Variants in TTBK2 observed in about 807,000 individuals in gnomAD.
TTBK2 encodes tau-tubulin kinase 2.
Under a neutral mutation model 110.8 loss-of-function variants are expected in TTBK2, and 28 were observed. That is an observed-to-expected ratio of 0.25 (90% CI 0.19 to 0.35). The LOEUF is 0.35. TTBK2 is among the 10% of genes least tolerant of loss of function. The probability of loss-of-function intolerance (pLI) is 1.00; values close to 1 mark genes in which losing one functional copy is unlikely to be tolerated. For missense variants in TTBK2, 1,369 were observed against 1,500.3 expected (o/e 0.91, Z 1.45); for synonymous variants, 532 against 527.3 (o/e 1.01, Z -0.12).
At chr15:42,888,480 C>G (rs1895327626) in intron 1 of TTBK2, among the ~76,000 whole-genome samples, 1 of 152,048 alleles carries the variant, frequency 6.6e-6, no homozygotes, top group Non-Finnish European at 1.5e-5. Flanking sequence ...CCAACCAAGC[C>G]TAATCGCCAC....
rs2061754671 is a variant in TTBK2 at position 42,742,017 on chromosome 15, A to G, written c.*3778T>C. 1 of 152,240 alleles carries G rather than the reference A, an allele frequency of 6.6e-6. No individual in the cohort carries two copies. Among genetic ancestry groups the G allele is most frequent in the African/African-American group, 2.4e-5 (1 of 41,468 alleles). 9.4% of individuals were successfully genotyped at this position (152,240 alleles called of 1,614,324 possible). Reference sequence around the variant, plus strand: ...CTCCTTGTAGATTGAATGCAACTATAGAAGTATTAGCATAAAAATATGTGG... The same window carrying G: ...CTCCTTGTAGATTGAATGCAACTATGGAAGTATTAGCATAAAAATATGTGG... On this transcript the variant is annotated 3_prime_UTR_variant, in exon 15 of 15. Transcript: ENST00000267890.
chr15:42,821,784 G>A (rs1254646482), intron 6 of TTBK2, among the ~76,000 whole-genome samples: 1 of 151,490 alleles, frequency 6.6e-6, no homozygotes, highest in African/African-American at 2.4e-5. Context: ...CCACCTCCCG[G>A]GTTCACCCCA....
At chr15:42,896,007 G>A (rs1895652787) in intron 1 of TTBK2, among the ~76,000 whole-genome samples, 1 of 151,654 alleles carries the variant, frequency 6.6e-6, no homozygotes, top group South Asian at 2.1e-4. Context: ...AATGATATTT[G>A]ACAAAGATGC....
intron 4 of TTBK2, among the ~76,000 whole-genome samples, chr15:42,839,620 G>A (rs1893138992): frequency 6.6e-6 from 1 of 152,128 alleles, no homozygotes; most frequent in Non-Finnish European, 1.5e-5. Flanking sequence ...GTTATTTTCT[G>A]ACTTTTTAAT....
intron 2 of TTBK2, among the ~76,000 whole-genome samples, chr15:42,873,238 C>A (rs1263722230): frequency 6.6e-6 from 1 of 152,148 alleles, no homozygotes; most frequent in African/African-American, 2.4e-5. Flanking sequence ...TCGAGACCAG[C>A]CTGGCCAACA....
At chr15:42,798,503 C>T (rs1891042386) in intron 9 of TTBK2, among the ~76,000 whole-genome samples, 1 of 152,102 alleles carries the variant, frequency 6.6e-6, no homozygotes, top group South Asian at 2.1e-4. Flanking sequence ...AGCCATATGC[C>T]AGAGAGAATT....
intron 13 of TTBK2, among the ~76,000 whole-genome samples, chr15:42,774,269 G>C (rs1013750663): frequency 1.1e-4 from 16 of 152,120 alleles, no homozygotes; most frequent in African/African-American, 3.9e-4. Context: ...AAGGAAACCT[G>C]GTAGCTCTCA....
chr15:42,818,280 C>G (rs1329814939), intron 6 of TTBK2, among the ~76,000 whole-genome samples: 3 of 152,150 alleles, frequency 2.0e-5, no homozygotes, highest in Non-Finnish European at 4.4e-5. Context: ...TTCTTTTAGT[C>G]TATAGAATAT....
Position 42,752,918 on chromosome 15 carries a change from T to C in TTBK2, c.2328A>G (p.Glu776=). 1.2e-6 allele frequency: 2 copies of C among 1,614,220 alleles called. No homozygotes were observed. The highest frequency in any genetic ancestry group is 1.7e-6 in the Non-Finnish European group (2 of 1,180,032). Residue 776 remains glutamate (E), a synonymous_variant, in exon 14 of 15, where the codon GAA becomes GAG. Coordinates refer to ENST00000267890, the MANE Select transcript of TTBK2 (RefSeq NM_173500.4). ...VVREFENLPG[E]TEEKSILLES... ...CTAAAAGGATGCTTTTCTCTTCAGTTTCCCCAGGGAGATTTTCAAATTCTC... is the reference window on the plus strand; with the variant it reads ...CTAAAAGGATGCTTTTCTCTTCAGTCTCCCCAGGGAGATTTTCAAATTCTC...
chr15:42,884,013 A>C (rs1280214396), intron 1 of TTBK2, among the ~76,000 whole-genome samples: 1 of 152,202 alleles, frequency 6.6e-6, no homozygotes, highest in Non-Finnish European at 1.5e-5. Context: ...GGGCAAAGAA[A>C]ATCACTGGAG....
At chr15:42,870,092 T>C (rs1371620984) in intron 3 of TTBK2, among the ~76,000 whole-genome samples, 2 of 151,986 alleles carry the variant, frequency 1.3e-5, no homozygotes, top group African/African-American at 4.8e-5. Context: ...GAGAATCACT[T>C]GAACCCAGGA....
intron 13 of TTBK2, among the ~76,000 whole-genome samples, chr15:42,770,044 T>C (rs967543310): frequency 1.0e-4 from 15 of 145,510 alleles, no homozygotes; most frequent in East Asian, 2.0e-4. Context: ...TAGGTGGGAA[T>C]TGAACAATGA....
chr15:42,878,417 A>G (rs934868798), intron 2 of TTBK2, 132 bp downstream of exon 2: 24 of 1,513,570 alleles, frequency 1.6e-5, no homozygotes, highest in Non-Finnish European at 2.0e-5. Context: ...CTTTAGGCAT[A>G]TAAGTAATGT....
At chr15:42,780,192 T>TA (rs1009721417) in intron 11 of TTBK2, among the ~76,000 whole-genome samples, 1 of 139,364 alleles carries the variant, frequency 7.2e-6, no homozygotes, top group Non-Finnish European at 1.6e-5. Flanking sequence ...CGGCTAACTT[T>TA]TTTTTTTTTT....
intron 3 of TTBK2, among the ~76,000 whole-genome samples, chr15:42,849,169 T>C (rs1008306435): frequency 6.6e-6 from 1 of 152,116 alleles, no homozygotes; most frequent in Non-Finnish European, 1.5e-5. Flanking sequence ...TTTTTACATG[T>C]TTTTTCTTTG....
intron 14 of TTBK2, 138 bp downstream of exon 14, chr15:42,751,836 G>T: frequency 9.8e-7 from 1 of 1,019,928 alleles, no homozygotes; most frequent in Non-Finnish European, 1.5e-6. Flanking sequence ...ACTGCACTAG[G>T]CTGTAAGGCC....
chr15:42,831,937 A>G lies in TTBK2; in HGVS notation c.292-1859T>C, dbSNP rs79406013. On this transcript the variant is annotated intron_variant, in intron 4 of 14. Coordinates refer to ENST00000267890, the MANE Select transcript of TTBK2 (RefSeq NM_173500.4). ...ACAATTGATTCACTTTTGAAAAGTAATAAACTCTTAGATTAATATTATTCA... is the reference window on the plus strand; with the variant it reads ...ACAATTGATTCACTTTTGAAAAGTAGTAAACTCTTAGATTAATATTATTCA... Among the ~76,000 whole-genome samples the G allele has an allele frequency of 4.5e-4, 68 of 152,336 alleles. No homozygotes were observed. The East Asian group carries it at 0.012, about 27-fold the overall frequency.
intron 11 of TTBK2, among the ~76,000 whole-genome samples, chr15:42,781,679 T>TA (rs1351207277): frequency 6.6e-6 from 1 of 152,156 alleles, no homozygotes; most frequent in Non-Finnish European, 1.5e-5. Flanking sequence ...TCCAAGTGTT[T>TA]AGAGATTTTC....
At chr15:42,843,211 C>T (rs934423044) in intron 3 of TTBK2, among the ~76,000 whole-genome samples, 7 of 152,148 alleles carry the variant, frequency 4.6e-5, no homozygotes, top group Admixed American at 1.3e-4. Flanking sequence ...TACACACAGG[C>T]CAAGCTGGCT....
Sources: gnomAD v4.1 joint callset for allele counts (sites outside exome capture counted in the v4.1 genomes callset) on GRCh38, gnomAD v4.1.1 for gene constraint, MANE v1.5 for transcripts, NCBI Gene and HGNC (gene_info 2026-07-23, HGNC 2026-07-21) for gene names.